The following ZSWIM2 variants were observed in gnomAD, a reference collection of about 807,000 sequenced individuals.
The protein encoded by ZSWIM2 is zinc finger SWIM-type containing 2.
In ZSWIM2, 38 loss-of-function variants were observed where a neutral mutation model predicts 48.4. The ratio of observed to expected loss-of-function variants is 0.79; its 90% CI spans 0.61 to 1.03. ZSWIM2 has a LOEUF of 1.03. Among genes scored for constraint, ZSWIM2 ranks in the 50% least tolerant of loss-of-function variants. ZSWIM2 has a pLI of 0.00. For synonymous variants in ZSWIM2, 240 were observed against 251.3 expected (o/e 0.96, Z 0.42); for missense variants, 776 against 730.2 (o/e 1.06, Z -0.72).
chr2:186,832,546 G>A (rs1455860953), intron 7 of ZSWIM2, among the ~76,000 whole-genome samples: 1 of 152,178 alleles, frequency 6.6e-6, no homozygotes, highest in Non-Finnish European at 1.5e-5. Context: ...ACAGGGTGAA[G>A]TAGAGGGTAG....
chr2:186,834,242 A>T (rs1405168868), intron 5 of ZSWIM2, among the ~76,000 whole-genome samples: 3 of 152,156 alleles, frequency 2.0e-5, no homozygotes, highest in Non-Finnish European at 4.4e-5. Flanking sequence ...TTACAGTTCC[A>T]TTGGATAGAA....
In ZSWIM2 at chr2:186,833,131, T is replaced by C. The variant is rs1199847889; in HGVS notation, c.930A>G (p.Gln310=). The C allele has an allele frequency of 6.7e-7, 1 of 1,485,938 alleles. No homozygotes were observed. Among genetic ancestry groups the C allele is most frequent in the South Asian group, 1.4e-5 (1 of 73,118 alleles). The allele number at this position is 1,485,938 out of a possible 1,614,324, so 92.0% of individuals were successfully genotyped here. Residue 310 remains glutamine, a synonymous_variant, in exon 7 of 9, where the codon CAA becomes CAG. Coordinates refer to ENST00000295131, the MANE Select transcript of ZSWIM2 (RefSeq NM_182521.3). The stretch of plus-strand genomic sequence containing the variant: ...ACTGGGAACCTCACCCTTGCTTTTC[T>C]TGAAAATGTGACATCTTTTCTTCAA... ...NEIEEKMSHF[Q]EKQGQVYTPK... is the part of the protein sequence containing the mutation.
rs750650865 is a variant in ZSWIM2, at chr2:186,828,079, G to A, written c.1807C>T (p.Arg603Ter). The A allele has an allele frequency of 2.3e-5, 37 of 1,613,164 alleles. No individual in the cohort carries two copies. Among genetic ancestry groups the A allele is most frequent in the East Asian group, 6.7e-5 (3 of 44,838 alleles). Residue 603 changes from arginine to a stop codon, truncating the protein, a stop_gained, in exon 9 of 9, where the codon CGA becomes TGA. Transcript: ENST00000295131. LOFTEE classifies it low-confidence loss of function (END_TRUNC). Reference sequence around the variant, plus strand: ...TGTCTTGATAGATGACTACATTTTCGTGTAATTTCCCCCATACAGTTACTA... The same window carrying A: ...TGTCTTGATAGATGACTACATTTTCATGTAATTTCCCCCATACAGTTACTA... Reference protein sequence around the residue: ...RYSNCMGEITRKCSHLSRQPV... With the variant: ...RYSNCMGEIT
intron 3 of ZSWIM2, among the ~76,000 whole-genome samples, chr2:186,839,814 A>G (rs1048525770): frequency 2.0e-5 from 3 of 151,426 alleles, no homozygotes; most frequent in African/African-American, 7.3e-5. Context: ...GCAATCCTTA[A>G]AGGAATGATG....
intron 3 of ZSWIM2, among the ~76,000 whole-genome samples, 158 bp downstream of exon 3, chr2:186,844,559 T>A (rs1691961738): frequency 6.6e-6 from 1 of 151,400 alleles, no homozygotes; most frequent in Non-Finnish European, 1.5e-5. Flanking sequence ...ATGTTCCAAG[T>A]GTCTTAAGTT....
chr2:186,837,637 A>G (rs11903271), intron 4 of ZSWIM2, 83 bp from the exon 5 acceptor site: 54,655 of 430,096 alleles, frequency 0.13, 4,344 homozygotes, highest in African/African-American at 0.29. Flanking sequence ...TATTATATAT[A>G]TATTTATATA....
Position 186,828,101 on chromosome 2 carries a change from AC to A in ZSWIM2, c.1784del (p.Ser595IlefsTer23). 1 of 1,613,490 alleles carries A rather than the reference AC, an allele frequency of 6.2e-7. No individual in the cohort carries two copies. Among genetic ancestry groups the A allele is most frequent in the Non-Finnish European group, 8.5e-7 (1 of 1,179,688 alleles). ...TAKLSLSKRY[S>X]NCMGEITRKC... ...TTCGTGTAATTTCCCCCATACAGTT[AC>A]TATACCTTTTAGACAAACTAAGTTT... On this transcript the variant is annotated frameshift_variant, in exon 9 of 9. Coordinates refer to ENST00000295131, the MANE Select transcript of ZSWIM2 (RefSeq NM_182521.3). LOFTEE classifies it low-confidence loss of function (END_TRUNC).
chr2:186,828,483 T>C lies in ZSWIM2; in HGVS notation c.1403A>G (p.Asp468Gly). The C allele has an allele frequency of 6.2e-7, 1 of 1,613,420 alleles. No individual in the cohort carries two copies. The highest frequency in any genetic ancestry group is 8.5e-7 in the Non-Finnish European group (1 of 1,179,648). ...ATCTAATTTGATAGAGCATAGATTA[T>C]CTATTGTTGTATTTTCATAGGCATC... ...PKDAYENTTI[D>G]NLCSIKLDNS... Residue 468 changes from aspartate to glycine, a missense_variant, in exon 9 of 9, where the codon GAT (aspartate) becomes GGT (glycine). Asp to Gly is a moderately conservative substitution (Grantham distance 94). Coordinates refer to ENST00000295131, the MANE Select transcript of ZSWIM2 (RefSeq NM_182521.3).
chr2:186,839,019 T>A lies in ZSWIM2; in HGVS notation c.434A>T (p.Asp145Val). Residue 145 changes from aspartate to valine, a missense_variant, in exon 4 of 9, where the codon GAT becomes GTT. By Grantham distance (152) the Asp-to-Val change is radical (BLOSUM62 -3). Coordinates refer to ENST00000295131, the MANE Select transcript of ZSWIM2 (RefSeq NM_182521.3). ...TAGCTCTTGACAAATAGAGCAGATATCCTCTGAATCAATTTCCTTCTGTTT... is the reference window on the plus strand; with the variant it reads ...TAGCTCTTGACAAATAGAGCAGATAACCTCTGAATCAATTTCCTTCTGTTT... ...YIKQKEIDSE[D>V]ICSICQELLL... 3.7e-6 allele frequency: 6 copies of A among 1,611,666 alleles called. No individual in the cohort carries two copies. The highest frequency in any genetic ancestry group is 5.1e-6 in the Non-Finnish European group (6 of 1,178,348).
In ZSWIM2 at chr2:186,828,297, CT is replaced by C; in HGVS notation, c.1588del (p.Ser530ValfsTer12). The C allele has an allele frequency of 6.2e-7, 1 of 1,613,670 alleles. No individual in the cohort carries two copies. The highest frequency in any genetic ancestry group is 8.5e-7 in the Non-Finnish European group (1 of 1,179,796). Reference protein sequence around the residue: ...KNIVCPTAMESPCISGKFHTS... With the variant: ...KNIVCPTAMEXPCISGKFHTS... Reference sequence around the variant, plus strand: ...GTGAAATTTTCCACTGATGCATGGACTTTCCATTGCAGTGGGACACACAATA... The same window carrying C: ...GTGAAATTTTCCACTGATGCATGGACTTCCATTGCAGTGGGACACACAATA... On this transcript the variant is annotated frameshift_variant, in exon 9 of 9. Coordinates refer to ENST00000295131, the MANE Select transcript of ZSWIM2 (RefSeq NM_182521.3). LOFTEE classifies it low-confidence loss of function (END_TRUNC).
rs767894230 is a variant in ZSWIM2, at chr2:186,844,783, T to C, written c.243-26A>G. On this transcript the variant is annotated intron_variant, in intron 2 of 8. Transcript: ENST00000295131. Reference sequence around the variant, plus strand: ...CTAACATTCACAAGTAGAAAAAAAATCAAGACATTTATTTTTGGCATAAAC... The same window carrying C: ...CTAACATTCACAAGTAGAAAAAAAACCAAGACATTTATTTTTGGCATAAAC... 1.8e-5 allele frequency: 28 copies of C among 1,536,278 alleles called. No individual in the cohort carries two copies. The Middle Eastern group carries it at 5.2e-4, about 29-fold the overall frequency.
chr2:186,834,300 G>C (rs1246831454), intron 5 of ZSWIM2, among the ~76,000 whole-genome samples: 1 of 152,150 alleles, frequency 6.6e-6, no homozygotes, highest in Non-Finnish European at 1.5e-5. Context: ...TGGCAGGGCT[G>C]TGTTACTTTT....
rs780755743 is a variant in ZSWIM2 at position 186,831,190 on chromosome 2, A to C, written c.942-1310T>G. ...ACAACTTAGCATTCTAACAGGATGA[A>C]GTATGATGCTTGTGCAGGGAAAATG... On this transcript the variant is annotated intron_variant, in intron 7 of 8. Coordinates refer to ENST00000295131, the MANE Select transcript of ZSWIM2 (RefSeq NM_182521.3). Among the ~76,000 whole-genome samples the C allele has an allele frequency of 4.6e-4, 70 of 152,084 alleles. 1 individual carries two copies. The highest frequency in any genetic ancestry group is 1.6e-4 in the Non-Finnish European group (11 of 68,010).
intron 2 of ZSWIM2, among the ~76,000 whole-genome samples, chr2:186,846,227 T>C (rs138618413): frequency 2.0e-5 from 3 of 152,028 alleles, no homozygotes; most frequent in Non-Finnish European, 4.4e-5. Context: ...ATTTGCAAAC[T>C]ACGTATTTGA....
intron 5 of ZSWIM2, 152 bp from the exon 6 acceptor site, chr2:186,834,182 G>T (rs767831143): frequency 2.5e-5 from 15 of 604,362 alleles, no homozygotes; most frequent in Middle Eastern, 8.0e-4. Context: ...TCCTGTTGCT[G>T]CTGTAAAAAT....
chr2:186,848,949 G>A lies in ZSWIM2; in HGVS notation c.165+17C>T. ...CGGGGATGATGGCCAACTGGGGGCG[G>A]TAGGGGCGGTAGTTACTCGGAAATC... On this transcript the variant is annotated intron_variant, in intron 1 of 8. Transcript: ENST00000295131. The A allele has an allele frequency of 1.2e-6, 2 of 1,613,560 alleles. No individual in the cohort carries two copies. Among genetic ancestry groups the A allele is most frequent in the Middle Eastern group, 1.7e-4 (1 of 6,060 alleles).
At chr2:186,844,015 T>C (rs184452780) in intron 3 of ZSWIM2, among the ~76,000 whole-genome samples, 1 of 151,710 alleles carries the variant, frequency 6.6e-6, no homozygotes, top group Non-Finnish European at 1.5e-5. Context: ...TAATTATTCA[T>C]GAATATCAGA....
chr2:186,833,696 C>G lies in ZSWIM2; in HGVS notation c.828+250G>C, dbSNP rs555338578. On this transcript the variant is annotated intron_variant, in intron 6 of 8. Transcript: ENST00000295131. ...AAGTTTGATGGCTATAATTTCTGTTCTGAAAATTTATTCATAATGTCATCA... is the reference window on the plus strand; with the variant it reads ...AAGTTTGATGGCTATAATTTCTGTTGTGAAAATTTATTCATAATGTCATCA... Among the ~76,000 whole-genome samples, 19 of 152,222 alleles carry G rather than the reference C, an allele frequency of 1.2e-4. 1 individual carries two copies. The South Asian group carries it at 1.7e-3, about 13-fold the overall frequency.
In ZSWIM2 at chr2:186,827,989, A is replaced by G. The variant is rs2105814448; in HGVS notation, c.1897T>C (p.Leu633=). ...ELSLIIEGVQ[L] ...TTTTCAGATAGTAAACTTTTTCACA[A>G]TTGAACTCCTTCTATTATTAAAGAT... The change falls in exon 9 of 9, where the codon TTG becomes CTG. Residue 633 remains leucine, a synonymous_variant. Transcript: ENST00000295131. 1 of 1,564,906 alleles carries G rather than the reference A, an allele frequency of 6.4e-7. No homozygotes were observed. Among genetic ancestry groups the G allele is most frequent in the Non-Finnish European group, 8.6e-7 (1 of 1,160,088 alleles).
Sources: gnomAD v4.1 joint callset for allele counts (sites outside exome capture counted in the v4.1 genomes callset) on GRCh38, gnomAD v4.1.1 for gene constraint, MANE v1.5 for transcripts, NCBI Gene and HGNC (gene_info 2026-07-23, HGNC 2026-07-21) for gene names.